The following GABRB3 variants were observed in gnomAD, a reference collection of about 807,000 sequenced individuals.
GABRB3 encodes gamma-aminobutyric acid type A receptor subunit beta3, also known as gamma-aminobutyric acid receptor subunit beta-3.
GABRB3 carries 14 observed loss-of-function variants against 52.1 expected under a neutral mutation model. The observed-to-expected ratio is 0.27, with a 90% CI of 0.18 to 0.42. GABRB3 has a LOEUF of 0.42. GABRB3 is among the 10% of genes least tolerant of loss of function. The probability of loss-of-function intolerance (pLI) is 1.00; values close to 1 mark genes in which losing one functional copy is unlikely to be tolerated. For missense variants in GABRB3, 307 were observed against 609.1 expected (o/e 0.50, Z 5.22); for synonymous variants, 260 against 232.3 (o/e 1.12, Z -1.08).
chr15:26,727,229 T>C (rs1409433263), intron 3 of GABRB3, among the ~76,000 whole-genome samples: 2 of 152,220 alleles, frequency 1.3e-5, no homozygotes, highest in African/African-American at 4.8e-5. Flanking sequence ...TTGGTTATTA[T>C]GATTCCTGTC....
At chr15:26,641,430 G>C (rs553325214) in intron 3 of GABRB3, among the ~76,000 whole-genome samples, 2 of 152,350 alleles carry the variant, frequency 1.3e-5, no homozygotes, top group South Asian at 2.1e-4. Flanking sequence ...ACTGAAGGGA[G>C]AGGAAAGTGA....
At chr15:26,673,853 A>G (rs1429937260) in intron 3 of GABRB3, among the ~76,000 whole-genome samples, 1 of 152,218 alleles carries the variant, frequency 6.6e-6, no homozygotes, top group Non-Finnish European at 1.5e-5. Flanking sequence ...TTAATGACCC[A>G]TTATGGGGAA....
intron 3 of GABRB3, among the ~76,000 whole-genome samples, chr15:26,766,287 G>C (rs549108591): frequency 1.3e-5 from 2 of 152,264 alleles, no homozygotes; most frequent in South Asian, 4.1e-4. Context: ...ACTCATAGAC[G>C]AAAAAGAAGA....
chr15:26,658,468 T>C (rs1283953087), intron 3 of GABRB3: 1 of 152,202 alleles, frequency 6.6e-6, no homozygotes, highest in Non-Finnish European at 1.5e-5. Context: ...AATATGTACA[T>C]ACTCCAGCCC....
chr15:26,754,795 G>A (rs1890612541), intron 3 of GABRB3, among the ~76,000 whole-genome samples: 1 of 152,140 alleles, frequency 6.6e-6, no homozygotes, highest in African/African-American at 2.4e-5. Flanking sequence ...AGAGGTGTGT[G>A]CAGTGATGAT....
intron 3 of GABRB3, among the ~76,000 whole-genome samples, chr15:26,764,559 G>A (rs1890945148): frequency 6.6e-6 from 1 of 152,092 alleles, no homozygotes; most frequent in South Asian, 2.1e-4. Flanking sequence ...GTGGTCTCCT[G>A]ACTACAAAGG....
At chr15:26,656,459 T>C (rs902038204) in intron 3 of GABRB3, among the ~76,000 whole-genome samples, 2 of 152,202 alleles carry the variant, frequency 1.3e-5, no homozygotes, top group African/African-American at 4.8e-5. Flanking sequence ...TGGCTAACAT[T>C]TGTTCATTTT....
chr15:26,693,453 G>C (rs1488874554), intron 3 of GABRB3, among the ~76,000 whole-genome samples: 4 of 152,154 alleles, frequency 2.6e-5, no homozygotes, highest in African/African-American at 9.7e-5. Context: ...TGTTGGCCTG[G>C]TATGAGGAGT....
chr15:26,572,598 G>C (rs1890447761), intron 6 of GABRB3, among the ~76,000 whole-genome samples: 1 of 152,228 alleles, frequency 6.6e-6, no homozygotes, highest in Admixed American at 6.5e-5. Flanking sequence ...TACACTGGCA[G>C]GATGGAATGC....
intron 8 of GABRB3, among the ~76,000 whole-genome samples, chr15:26,554,197 A>ATT (rs1889660982): frequency 1.2e-5 from 1 of 83,042 alleles, no homozygotes; most frequent in African/African-American, 4.2e-5. Context: ...TATACTATAT[A>ATT]TATATATATA....
chr15:26,624,855 G>C (rs1021279593), intron 3 of GABRB3: 1 of 985,314 alleles, frequency 1.0e-6, no homozygotes, highest in South Asian at 4.7e-5. Context: ...GGGTTTTCCT[G>C]TTACGGGAGC....
At chr15:26,627,039 T>C (rs796239688) in intron 3 of GABRB3, among the ~76,000 whole-genome samples, 103 of 152,314 alleles carry the variant, frequency 6.8e-4, no homozygotes, top group African/African-American at 2.5e-3. Flanking sequence ...TAATTGCAGC[T>C]GCTGACTTTA....
chr15:26,734,587 A>G (rs1040886811), intron 3 of GABRB3, among the ~76,000 whole-genome samples: 1 of 151,444 alleles, frequency 6.6e-6, no homozygotes, highest in African/African-American at 2.4e-5. Flanking sequence ...TAAGGATACA[A>G]TGAACAATGG....
chr15:26,566,178 T>A (rs989497087), intron 7 of GABRB3, among the ~76,000 whole-genome samples: 32 of 152,166 alleles, frequency 2.1e-4, no homozygotes, highest in African/African-American at 7.5e-4. Context: ...TAGAAATACA[T>A]AACAATTAAA....
At chr15:26,730,523 T>C (rs538425758) in intron 3 of GABRB3, among the ~76,000 whole-genome samples, 5 of 150,458 alleles carry the variant, frequency 3.3e-5, no homozygotes, top group African/African-American at 4.9e-5. Flanking sequence ...CGTCCCATTG[T>C]GGAGAGAAAG....
intron 3 of GABRB3, 152 bp downstream of exon 3, chr15:26,772,250 C>G (rs1053302761): frequency 1.6e-6 from 1 of 630,348 alleles, no homozygotes; most frequent in African/African-American, 2.0e-5. Flanking sequence ...GCCGGGCAAG[C>G]GAGGGGCCGG....
At chr15:26,649,485 A>G (rs1436684388) in intron 3 of GABRB3, among the ~76,000 whole-genome samples, 2 of 152,172 alleles carry the variant, frequency 1.3e-5, no homozygotes, top group Non-Finnish European at 2.9e-5. Flanking sequence ...TTAATAAATT[A>G]CCTGGTCTGT....
chr15:26,561,982 G>A (rs1246309797), intron 7 of GABRB3, among the ~76,000 whole-genome samples: 1 of 152,154 alleles, frequency 6.6e-6, no homozygotes, highest in South Asian at 2.1e-4. Flanking sequence ...TCTTTACATA[G>A]TATTGTATGG....
At chr15:26,711,719 A>G (rs567891443) in intron 3 of GABRB3, among the ~76,000 whole-genome samples, 17 of 152,332 alleles carry the variant, frequency 1.1e-4, no homozygotes, top group African/African-American at 4.1e-4. Flanking sequence ...TGCCGCTAGC[A>G]TGGAAGAAGA....
Sources: allele counts gnomAD v4.1 joint callset (sites outside exome capture counted in the v4.1 genomes callset), GRCh38; gene constraint gnomAD v4.1.1; transcripts MANE v1.5; gene names NCBI Gene and HGNC (gene_info 2026-07-23, HGNC 2026-07-21).